The following SCMH1 variants were observed in gnomAD, a reference collection of about 807,000 sequenced individuals.
The protein encoded by SCMH1 is Scm polycomb group protein homolog 1.
In SCMH1, 37 loss-of-function variants were observed where a neutral mutation model predicts 70.8. The observed-to-expected ratio is 0.52, with a 90% CI of 0.40 to 0.69. The LOEUF is 0.69. Ranked by LOEUF, SCMH1 falls within the 30% of genes least tolerant of loss-of-function variation. The probability of loss-of-function intolerance (pLI) is 0.00; values close to 1 mark genes in which losing one functional copy is unlikely to be tolerated. For missense variants in SCMH1, 607 were observed against 827.3 expected (o/e 0.73, Z 3.27); for synonymous variants, 292 against 307.4 (o/e 0.95, Z 0.52).
intron 13 of SCMH1, among the ~76,000 whole-genome samples, chr1:41,035,468 C>T (rs1571224556): frequency 6.6e-6 from 1 of 152,306 alleles, no homozygotes; most frequent in Non-Finnish European, 1.5e-5. Flanking sequence ...ATCCCCTTTT[C>T]TTTGGTCCAT....
At chr1:41,058,751 G>GT (rs1420395310) in intron 10 of SCMH1, among the ~76,000 whole-genome samples, 2 of 152,180 alleles carry the variant, frequency 1.3e-5, no homozygotes, top group African/African-American at 4.8e-5. Context: ...TGAGACTTTA[G>GT]TAAGTGCTTG....
At chr1:41,161,383 C>A in exon 3 of SCMH1, 2 of 1,550,594 alleles carry the variant, frequency 1.3e-6, no homozygotes, top group Non-Finnish European at 1.7e-6. Flanking sequence ...GGGATGCAGA[C>A]TCTGATAGGT....
intron 8 of SCMH1, among the ~76,000 whole-genome samples, chr1:41,107,840 C>G (rs1392960212): frequency 6.6e-6 from 1 of 152,196 alleles, no homozygotes. Flanking sequence ...TTAATTAACT[C>G]TTTCTGCCCT....
chr1:41,151,829 G>T, intron 4 of SCMH1, 145 bp from the exon 5 acceptor site: 1 of 496,372 alleles, frequency 2.0e-6, no homozygotes, highest in South Asian at 2.8e-5. Context: ...GCTCAAAGGA[G>T]TATTAAGGGG....
At chr1:41,049,022 A>G (rs1647167699) in intron 10 of SCMH1, 132 bp from the exon 11 acceptor site, 4 of 831,666 alleles carry the variant, frequency 4.8e-6, no homozygotes, top group Non-Finnish European at 7.4e-6. Context: ...GAGCTGGTGA[A>G]ATGCTGTGGG....
chr1:41,098,868 C>A, intron 8 of SCMH1: 1 of 167,590 alleles, frequency 6.0e-6, no homozygotes, highest in South Asian at 1.4e-4. Flanking sequence ...GGAAGGGCAC[C>A]CACAGGAGAA....
At chr1:41,185,180 C>T (rs117181510) in intron 2 of SCMH1, among the ~76,000 whole-genome samples, 11 of 152,134 alleles carry the variant, frequency 7.2e-5, no homozygotes, top group East Asian at 1.9e-4. Flanking sequence ...ATGCTTCAAA[C>T]GAAAAATTCA....
intron 5 of SCMH1, among the ~76,000 whole-genome samples, chr1:41,148,227 TTATA>T (rs764607916): frequency 6.6e-5 from 10 of 152,334 alleles, no homozygotes; most frequent in Non-Finnish European, 1.2e-4. Context: ...TCCATTTTAC[TTATA>T]TGTTATCATC....
chr1:41,037,078 A>G (rs1645405958), intron 13 of SCMH1, among the ~76,000 whole-genome samples: 1 of 149,508 alleles, frequency 6.7e-6, no homozygotes, highest in African/African-American at 2.6e-5. Context: ...CCAAACACAA[A>G]TGGAGTTCAA....
At chr1:41,212,366 A>T (rs898288040) in intron 1 of SCMH1, among the ~76,000 whole-genome samples, 2 of 152,206 alleles carry the variant, frequency 1.3e-5, no homozygotes, top group African/African-American at 4.8e-5. Context: ...GATTTTTCTG[A>T]ATACAGTTCT....
At chr1:41,198,100 A>G (rs1189573705) in intron 1 of SCMH1, among the ~76,000 whole-genome samples, 4 of 152,296 alleles carry the variant, frequency 2.6e-5, no homozygotes, top group African/African-American at 7.2e-5. Context: ...GAAACGTTCA[A>G]TGTCATGATC....
chr1:41,117,565 A>AC (rs1460708528), intron 6 of SCMH1, among the ~76,000 whole-genome samples: 3 of 150,786 alleles, frequency 2.0e-5, no homozygotes, highest in East Asian at 2.0e-4. Flanking sequence ...GCCTGACGTC[A>AC]GTCAGGCCCG....
At chr1:41,041,025 G>C (rs1017582226) in intron 12 of SCMH1, among the ~76,000 whole-genome samples, 1 of 152,102 alleles carries the variant, frequency 6.6e-6, no homozygotes, top group Non-Finnish European at 1.5e-5. Context: ...ACCCTCATGT[G>C]TTGGGCTAGA....
intron 1 of SCMH1, among the ~76,000 whole-genome samples, chr1:41,209,861 G>C (rs1279159703): frequency 6.6e-6 from 1 of 152,206 alleles, no homozygotes; most frequent in Non-Finnish European, 1.5e-5. Flanking sequence ...GTTCTGGCCA[G>C]GGTAATCAGG....
chr1:41,160,368 C>T (rs1011432898), intron 4 of SCMH1, among the ~76,000 whole-genome samples: 3 of 152,164 alleles, frequency 2.0e-5, no homozygotes, highest in African/African-American at 7.2e-5. Flanking sequence ...CTGAAATACA[C>T]TAACCAGGGA....
intron 8 of SCMH1, among the ~76,000 whole-genome samples, chr1:41,110,375 G>A (rs1668977228): frequency 6.6e-6 from 1 of 152,160 alleles, no homozygotes; most frequent in African/African-American, 2.4e-5. Context: ...GATATTCAGA[G>A]TTGTGCAAAC....
In SCMH1 at chr1:41,160,786, C is replaced by A. The variant is rs1003653672; in HGVS notation, c.106+89G>T. 67 of 1,245,930 alleles carry A rather than the reference C, an allele frequency of 5.4e-5. 1 individual carries two copies. In the Middle Eastern group the frequency reaches 5.6e-4, roughly 10 times the overall value. 77.2% of individuals were successfully genotyped at this position (1,245,930 alleles called of 1,614,324 possible). On this transcript the variant is annotated intron_variant, in intron 4 of 14. Coordinates refer to ENST00000337495, the Ensembl canonical transcript of SCMH1. ...TTCTGAGACAGAGACACGTGGAATTCTTTTCCTCGTTGGTTAAAACTGGTT... is the reference window on the plus strand; with the variant it reads ...TTCTGAGACAGAGACACGTGGAATTATTTTCCTCGTTGGTTAAAACTGGTT...
At chr1:41,201,893 T>C (rs1461880064) in intron 1 of SCMH1, among the ~76,000 whole-genome samples, 2 of 152,206 alleles carry the variant, frequency 1.3e-5, no homozygotes, top group Non-Finnish European at 2.9e-5. Flanking sequence ...AGGAACCTTC[T>C]TCATGCCAAC....
At chr1:41,056,884 G>A (rs946966440) in intron 10 of SCMH1, among the ~76,000 whole-genome samples, 1 of 151,478 alleles carries the variant, frequency 6.6e-6, no homozygotes, top group African/African-American at 2.4e-5. Context: ...TCATGCTTTT[G>A]GCAGGGAGAG....
Sources: allele counts gnomAD v4.1 joint callset (sites outside exome capture counted in the v4.1 genomes callset), GRCh38; gene constraint gnomAD v4.1.1; transcripts MANE v1.5; gene names NCBI Gene and HGNC (gene_info 2026-07-23, HGNC 2026-07-21).